Variants in ERBB4 observed in about 807,000 individuals in gnomAD.
ERBB4 encodes the protein erb-b2 receptor tyrosine kinase 4.
A neutral mutation model predicts 158.0 loss-of-function variants in ERBB4; 42 were observed. That is an observed-to-expected ratio of 0.27 (90% confidence interval 0.21 to 0.34). ERBB4 has a LOEUF of 0.34. ERBB4 is among the 10% of genes least tolerant of loss of function. ERBB4 has a pLI of 1.00. For synonymous variants in ERBB4, 583 were observed against 558.7 expected (o/e 1.04, Z -0.61); for missense variants, 1,333 against 1,624.1 (o/e 0.82, Z 3.08).
chr2:211,926,618 A>T (rs1410635362), intron 3 of ERBB4, among the ~76,000 whole-genome samples: 2 of 152,190 alleles, frequency 1.3e-5, no homozygotes. Flanking sequence ...TGCTGTTACA[A>T]GTATCTCAAT....
At chr2:212,096,038 A>G (rs1449447140) in intron 2 of ERBB4, among the ~76,000 whole-genome samples, 1 of 152,060 alleles carries the variant, frequency 6.6e-6, no homozygotes, top group Non-Finnish European at 1.5e-5. Flanking sequence ...ATATGTTCTA[A>G]TATTTTGATC....
At chr2:212,206,457 C>T (rs1042733083) in intron 1 of ERBB4, among the ~76,000 whole-genome samples, 5 of 151,944 alleles carry the variant, frequency 3.3e-5, no homozygotes, top group African/African-American at 4.8e-5. Flanking sequence ...ATGTATTTCA[C>T]GGTGAGCCTT....
intron 1 of ERBB4, among the ~76,000 whole-genome samples, chr2:212,494,692 T>C (rs1261077128): frequency 6.6e-6 from 1 of 152,136 alleles, no homozygotes; most frequent in Admixed American, 6.6e-5. Context: ...TTTGTACATA[T>C]CAATTAAAAT....
At chr2:212,030,799 C>A (rs936688800) in intron 2 of ERBB4, among the ~76,000 whole-genome samples, 7 of 151,948 alleles carry the variant, frequency 4.6e-5, no homozygotes, top group Non-Finnish European at 7.4e-5. Flanking sequence ...TCTGGCTGCC[C>A]CAATTGTAAG....
intron 1 of ERBB4, among the ~76,000 whole-genome samples, chr2:212,188,998 C>G (rs556317721): frequency 2.9e-4 from 42 of 144,590 alleles, no homozygotes; most frequent in Admixed American, 8.8e-4. Context: ...AGTGGCTGTT[C>G]TGATTATTTT....
chr2:211,861,079 TA>T (rs1435484592), intron 3 of ERBB4, among the ~76,000 whole-genome samples: 2 of 59,732 alleles, frequency 3.3e-5, no homozygotes, highest in African/African-American at 6.6e-5. Flanking sequence ...TATATTTATA[TA>T]TTATAAAATA....
At chr2:211,845,104 C>G (rs1275959736) in intron 3 of ERBB4, among the ~76,000 whole-genome samples, 1 of 152,022 alleles carries the variant, frequency 6.6e-6, no homozygotes, top group Non-Finnish European at 1.5e-5. Context: ...TGTTTTCAGT[C>G]CATTCCCTCT....
intron 3 of ERBB4, among the ~76,000 whole-genome samples, chr2:211,920,474 T>C (rs1189618679): frequency 2.0e-5 from 3 of 151,948 alleles, no homozygotes; most frequent in Admixed American, 6.6e-5. Flanking sequence ...GAGCTGTTTA[T>C]TACTCCCAAC....
intron 2 of ERBB4, among the ~76,000 whole-genome samples, chr2:212,026,072 A>G (rs976460487): frequency 1.2e-4 from 18 of 151,664 alleles, no homozygotes; most frequent in Non-Finnish European, 1.6e-4. Flanking sequence ...CTCTATGCAG[A>G]TATTATTATT....
intron 20 of ERBB4, among the ~76,000 whole-genome samples, chr2:211,506,688 T>TA (rs1395643860): frequency 2.0e-5 from 3 of 150,642 alleles, no homozygotes; most frequent in East Asian, 2.0e-4. Flanking sequence ...AAGCAGAAAT[T>TA]AAAAAAATTG....
At chr2:211,517,561 C>T (rs56000365) in intron 20 of ERBB4, among the ~76,000 whole-genome samples, 11,115 of 152,046 alleles carry the variant, frequency 0.073, 1,010 homozygotes, top group East Asian at 0.26. Flanking sequence ...TTTCCTTTGC[C>T]TCTTTTCCCA....
At chr2:212,278,512 A>T (rs2085631552) in intron 1 of ERBB4, among the ~76,000 whole-genome samples, 1 of 151,678 alleles carries the variant, frequency 6.6e-6, no homozygotes, top group African/African-American at 2.4e-5. Flanking sequence ...GGCCAAGCAG[A>T]CCTGAATGAT....
intron 20 of ERBB4, among the ~76,000 whole-genome samples, chr2:211,544,199 T>C (rs1423968903): frequency 6.6e-6 from 1 of 152,062 alleles, no homozygotes; most frequent in Non-Finnish European, 1.5e-5. Flanking sequence ...AAGATGGTGA[T>C]TCTGGAATTA....
At chr2:212,224,837 TA>T (rs1475619093) in intron 1 of ERBB4, among the ~76,000 whole-genome samples, 1 of 152,078 alleles carries the variant, frequency 6.6e-6, no homozygotes, top group Non-Finnish European at 1.5e-5. Context: ...AAGTTTTTTT[TA>T]AATTTGAAAT....
chr2:211,690,076 A>G (rs549559523), intron 12 of ERBB4, among the ~76,000 whole-genome samples: 2 of 148,498 alleles, frequency 1.3e-5, no homozygotes, highest in Admixed American at 6.8e-5. Flanking sequence ...TATATTATGT[A>G]TAATATATAA....
intron 1 of ERBB4, among the ~76,000 whole-genome samples, chr2:212,307,782 T>C (rs1190041861): frequency 6.6e-6 from 1 of 151,188 alleles, no homozygotes; most frequent in East Asian, 2.0e-4. Flanking sequence ...GCAGGTAACA[T>C]GATGCAAATT....
rs578229069 is a variant in ERBB4 at position 211,430,838 on chromosome 2, A to G, written c.2643+107T>C. ...AGGCAAATGGTAGAACCAAGGCTTAATAATCTCCTAAGCTTCAGGCTTATT... is the reference window on the plus strand; with the variant it reads ...AGGCAAATGGTAGAACCAAGGCTTAGTAATCTCCTAAGCTTCAGGCTTATT... On this transcript the variant is annotated intron_variant, in intron 21 of 27. Coordinates refer to ENST00000342788, the MANE Select transcript of ERBB4 (RefSeq NM_005235.3). 1.8e-4 allele frequency: 177 copies of G among 992,850 alleles called. 1 individual carries two copies. The highest frequency in any genetic ancestry group is 2.7e-4 in the Non-Finnish European group (171 of 628,632). 61.5% of individuals were successfully genotyped at this position (992,850 alleles called of 1,614,324 possible). A position where few individuals can be genotyped will look rare whatever the true frequency, so the allele number is the denominator to read the frequency against.
At chr2:211,533,052 T>C (rs1487146512) in intron 20 of ERBB4, among the ~76,000 whole-genome samples, 2 of 151,588 alleles carry the variant, frequency 1.3e-5, no homozygotes, top group Non-Finnish European at 1.5e-5. Flanking sequence ...TTGCTATTGG[T>C]TTTACACAAA....
intron 16 of ERBB4, among the ~76,000 whole-genome samples, chr2:211,655,754 G>C (rs2071188782): frequency 6.6e-6 from 1 of 152,078 alleles, no homozygotes; most frequent in Non-Finnish European, 1.5e-5. Flanking sequence ...TAAAACTATA[G>C]TTTAGGCCTT....
Sources: gnomAD v4.1 joint callset for allele counts (sites outside exome capture counted in the v4.1 genomes callset) on GRCh38, gnomAD v4.1.1 for gene constraint, MANE v1.5 for transcripts, NCBI Gene and HGNC (gene_info 2026-07-23, HGNC 2026-07-21) for gene names.